The following MDM2 variants were observed in gnomAD, a reference collection of about 807,000 sequenced individuals.
The protein encoded by MDM2 is MDM2 proto-oncogene.
MDM2 carries 11 observed loss-of-function variants against 64.3 expected under a neutral mutation model. That is an observed-to-expected ratio of 0.17 (90% CI 0.11 to 0.28). MDM2 has a LOEUF of 0.28. Among genes scored for constraint, MDM2 ranks in the 10% least tolerant of loss-of-function variants. The pLI is 1.00. For synonymous variants in MDM2, 194 were observed against 192.9 expected (o/e 1.01, Z -0.05); for missense variants, 388 against 577.1 (o/e 0.67, Z 3.36).
At chr12:68,849,951 G>C (rs1452812220), downstream of MDM2, 1 of 152,086 alleles carries the variant, frequency 6.6e-6, no homozygotes, top group African/African-American at 2.4e-5. Context: ...CAAGAGAGCA[G>C]AGAAATAATA....
chr12:68,824,752 TG>T, intron 7 of MDM2, 101 bp downstream of exon 7: 1 of 752,570 alleles, frequency 1.3e-6, no homozygotes, highest in Non-Finnish European at 2.2e-6. Flanking sequence ...TCCCTTTTTT[TG>T]GTTGAGATGA....
downstream of MDM2, chr12:68,848,716 T>C (rs1303635939): frequency 6.6e-6 from 1 of 152,164 alleles, no homozygotes; most frequent in African/African-American, 2.4e-5. Flanking sequence ...AGTTAAGCTT[T>C]TTGTTTTTTT....
rs142480058 is a variant in MDM2, at chr12:68,822,371, C to CTTT, written c.359-1983_359-1981dup. Among the ~76,000 whole-genome samples, 630 of 146,078 alleles carry CTTT rather than the reference C, an allele frequency of 4.3e-3. 4 individuals carry two copies. Among genetic ancestry groups the CTTT allele is most frequent in the African/African-American group, 0.015 (608 of 39,350 alleles). On this transcript the variant is annotated intron_variant, in intron 5 of 10. Transcript: ENST00000258149. Reference sequence around the variant, plus strand: ...TTTGGCATTTTATTGTTTTAAAGCTCTTTTTTTTTTTGAGCTTTAGATTGT... The same window carrying CTTT: ...TTTGGCATTTTATTGTTTTAAAGCTCTTTTTTTTTTTTTTGAGCTTTAGATTGT...
At chr12:68,837,912 C>T (rs1883439688) in intron 10 of MDM2, among the ~76,000 whole-genome samples, 1 of 152,008 alleles carries the variant, frequency 6.6e-6, no homozygotes, top group South Asian at 2.1e-4. Context: ...GATGAAAATT[C>T]AAGAGTTTCC....
chr12:68,813,372 A>T (rs1394984451), intron 2 of MDM2, among the ~76,000 whole-genome samples, 182 bp from the exon 3 acceptor site: 1 of 152,166 alleles, frequency 6.6e-6, no homozygotes, highest in African/African-American at 2.4e-5. Flanking sequence ...GCTCTTTTGG[A>T]TTGGATACTG....
chr12:68,809,053 A>G (rs948327075), intron 1 of MDM2, 155 bp from the exon 2 acceptor site: 8 of 1,498,876 alleles, frequency 5.3e-6, no homozygotes, highest in Admixed American at 2.2e-5. Context: ...ACCTGTGGGC[A>G]CGGACGCACG....
chr12:68,841,255 T>G lies in MDM2; in HGVS notation c.*1406T>G, dbSNP rs1400335851. ...TTGGTGCTATGTAAATGAAAATGTT[T>G]TTTAGGTTTTCTTGATTTAACAATA... On this transcript the variant is annotated 3_prime_UTR_variant, in exon 11 of 11. Transcript: ENST00000258149. 1.0e-5 allele frequency: 2 copies of G among 195,770 alleles called. No individual in the cohort carries two copies. The highest frequency in any genetic ancestry group is 1.2e-4 in the Admixed American group (2 of 16,386). The allele number at this position is 195,770 out of a possible 1,614,324, so 12.1% of individuals were successfully genotyped here. A position where few individuals can be genotyped will look rare whatever the true frequency, so the allele number is the denominator to read the frequency against.
chr12:68,837,076 C>A (rs1363421837), intron 10 of MDM2, among the ~76,000 whole-genome samples: 5 of 151,534 alleles, frequency 3.3e-5, no homozygotes, highest in South Asian at 2.1e-4. Flanking sequence ...GCCTCAGTCT[C>A]CTGAGTAGCT....
At chr12:68,832,898 G>A (rs1400999269) in intron 8 of MDM2, among the ~76,000 whole-genome samples, 41 of 151,002 alleles carry the variant, frequency 2.7e-4, no homozygotes, top group Admixed American at 2.7e-3. Flanking sequence ...AGGCTGAGGC[G>A]GGCGGATCAC....
chr12:68,809,437 G>A (rs1880666625), intron 2 of MDM2, 145 bp downstream of exon 2: 4 of 743,600 alleles, frequency 5.4e-6, no homozygotes, highest in Non-Finnish European at 9.0e-6. Flanking sequence ...TGGCGTAACT[G>A]CGTGGAGTTA....
intron 5 of MDM2, among the ~76,000 whole-genome samples, chr12:68,821,512 G>A (rs1044367898): frequency 3.1e-4 from 47 of 152,054 alleles, no homozygotes; most frequent in Non-Finnish European, 1.5e-5. Flanking sequence ...CACTTGAGCC[G>A]AGGAGTTCAA....
chr12:68,815,392 G>A (rs1009757176), intron 3 of MDM2, among the ~76,000 whole-genome samples: 3 of 148,698 alleles, frequency 2.0e-5, no homozygotes, highest in East Asian at 2.0e-4. Context: ...TAAAAAGAGC[G>A]TTGGATTAAG....
In MDM2 at chr12:68,839,315, C is replaced by A. The variant is rs373214952; in HGVS notation, c.960C>A (p.Pro320=). The A allele has an allele frequency of 2.0e-5, 33 of 1,613,732 alleles. No homozygotes were observed. The African/African-American group carries it at 2.1e-4, about 10-fold the overall frequency. The change falls in exon 11 of 11, where the codon CCC becomes CCA. Residue 320 remains proline (P), a synonymous_variant. Coordinates refer to ENST00000258149, the MANE Select transcript of MDM2 (RefSeq NM_002392.6). ...KCTSCNEMNP[P]LPSHCNRCWA... is the part of the protein sequence containing the mutation. Reference sequence around the variant, plus strand: ...CTTCATGCAATGAAATGAATCCCCCCCTTCCATCACATTGCAACAGATGTT... The same window carrying A: ...CTTCATGCAATGAAATGAATCCCCCACTTCCATCACATTGCAACAGATGTT...
intron 5 of MDM2, among the ~76,000 whole-genome samples, chr12:68,821,727 CAAAAA>C (rs1350737522): frequency 7.0e-6 from 1 of 143,524 alleles, no homozygotes; most frequent in Non-Finnish European, 1.5e-5. Flanking sequence ...TTAAAAAAGA[CAAAAA>C]CAAAACAAAA....
At chr12:68,836,196 A>G (rs901241612) in intron 9 of MDM2, among the ~76,000 whole-genome samples, 1 of 152,182 alleles carries the variant, frequency 6.6e-6, no homozygotes, top group Non-Finnish European at 1.5e-5. Context: ...ATTGCCAAGA[A>G]GTCAATAGAC....
chr12:68,829,058 T>C, intron 8 of MDM2, 127 bp downstream of exon 8: 4 of 969,416 alleles, frequency 4.1e-6, no homozygotes, highest in Non-Finnish European at 6.1e-6. Flanking sequence ...AGTGCTAAAT[T>C]TTACTTTAAA....
intron 4 of MDM2, among the ~76,000 whole-genome samples, chr12:68,817,259 CGTT>C (rs1163189492): frequency 6.6e-6 from 1 of 152,046 alleles, no homozygotes; most frequent in Admixed American, 6.6e-5. Flanking sequence ...TGAAGAGAGA[CGTT>C]GTATAAAAAA....
Position 68,809,213 on chromosome 12 carries a change from TG to T in MDM2, c.21del (p.Met7IlefsTer14). On this transcript the variant is annotated frameshift_variant, in exon 2 of 11. Transcript: ENST00000258149. LOFTEE classifies it high-confidence loss of function. ...TGTCTTTTTTTTCCTTGTAGGCAAA[TG>T]TGCAATACCAACATGTCTGTACCTA... MVRSRQ[M>X]CNTNMSVPTD... is the part of the protein sequence containing the mutation. 6.2e-7 allele frequency: 1 copy of T among 1,611,722 alleles called. No homozygotes were observed. Among genetic ancestry groups the T allele is most frequent in the Non-Finnish European group, 8.5e-7 (1 of 1,179,072 alleles).
rs928287713 is a variant in MDM2 at position 68,835,685 on chromosome 12, G to A, written c.685-144G>A. ...GTCTTCTGCCCGCCGATCTCCCTCG[G>A]GAAGTCCCGGATCAGAGCAGCAGGC... On this transcript the variant is annotated intron_variant, in intron 8 of 10. Transcript: ENST00000258149. 198 of 706,382 alleles carry A rather than the reference G, an allele frequency of 2.8e-4. 1 individual carries two copies. Among genetic ancestry groups the A allele is most frequent in the Non-Finnish European group, 5.2e-5 (24 of 465,490 alleles). The allele number at this position is 706,382 out of a possible 1,614,324, so 43.8% of individuals were successfully genotyped here.
Sources: allele counts gnomAD v4.1 joint callset (sites outside exome capture counted in the v4.1 genomes callset), GRCh38; gene constraint gnomAD v4.1.1; transcripts MANE v1.5; gene names NCBI Gene and HGNC (gene_info 2026-07-23, HGNC 2026-07-21).